Variants in DIAPH2 observed in about 807,000 individuals in gnomAD.
DIAPH2 encodes the protein diaphanous related formin 2.
A neutral mutation model predicts 92.7 loss-of-function variants in DIAPH2; 35 were observed. The observed-to-expected ratio is 0.38, with a 90% CI of 0.29 to 0.50. The LOEUF (loss-of-function observed/expected upper bound fraction) is 0.50. Among genes scored for constraint, DIAPH2 ranks in the 20% least tolerant of loss-of-function variants. The pLI, the probability that DIAPH2 is intolerant of heterozygous loss-of-function variation, is 0.94. For synonymous variants in DIAPH2, 301 were observed against 280.4 expected, an observed-to-expected ratio of 1.07 and a Z score of -0.73; for missense variants, 701 against 819.5, an observed-to-expected ratio of 0.86 and a Z score of 1.77.
intron 23 of DIAPH2, among the ~76,000 whole-genome samples, chrX:97,342,670 T>C (rs1230665073): frequency 1.8e-5 from 2 of 112,264 alleles, no homozygotes; most frequent in African/African-American, 6.5e-5. Context: ...AGGTCTACTT[T>C]CATGGACCAT....
intron 26 of DIAPH2, among the ~76,000 whole-genome samples, chrX:97,583,813 A>T (rs1485988612): frequency 2.7e-5 from 3 of 111,501 alleles, no homozygotes; most frequent in Non-Finnish European, 5.7e-5. Context: ...CTGCTGTGCT[A>T]GCAATCAGCG....
chrX:96,730,041 A>C (rs1324822998), intron 1 of DIAPH2, among the ~76,000 whole-genome samples: 1 of 111,889 alleles, frequency 8.9e-6, no homozygotes, highest in Non-Finnish European at 1.9e-5. Flanking sequence ...CCACCACTTG[A>C]TCTAGCATCT....
chrX:97,247,741 C>T lies in DIAPH2; in HGVS notation c.2746C>T (p.Leu916Phe), dbSNP rs1488230183. Residue 916 changes from leucine (L) to phenylalanine (F), a missense_variant, in exon 23 of 27, where the codon CTT (leucine) becomes TTT (phenylalanine). Transcript: ENST00000324765. ...TTCAGCTCAAATTCTCAAGAGCAAC[C>T]TTGCATCAATGGAACAACAAATTGT... is the stretch of plus-strand genomic sequence containing the variant. ...KVSAQILKSNLASMEQQIVHL... is the reference protein window; with the variant it reads ...KVSAQILKSNFASMEQQIVHL... 2.5e-6 allele frequency: 3 copies of T among 1,204,504 alleles called. No homozygotes were observed. The highest frequency in any genetic ancestry group is 3.4e-6 in the Non-Finnish European group (3 of 891,303).
intron 12 of DIAPH2, 75 bp downstream of exon 12, chrX:96,939,457 G>A: frequency 3.0e-6 from 1 of 336,348 alleles, no homozygotes; most frequent in Non-Finnish European, 5.3e-6. Context: ...ATGTAGTGGG[G>A]CCTAAGCAAT....
intron 17 of DIAPH2, among the ~76,000 whole-genome samples, chrX:97,036,764 C>T (rs953444496): frequency 1.5e-4 from 17 of 111,792 alleles, no homozygotes; most frequent in African/African-American, 5.5e-4. Flanking sequence ...AAAGATGGGT[C>T]GTAAATCAGA....
intron 23 of DIAPH2, among the ~76,000 whole-genome samples, chrX:97,291,762 G>A (rs2068592881): frequency 9.1e-6 from 1 of 110,187 alleles, no homozygotes; most frequent in Non-Finnish European, 1.9e-5. Context: ...GGTCTCGAAC[G>A]CATGACCTCA....
intron 23 of DIAPH2, among the ~76,000 whole-genome samples, chrX:97,331,490 A>G (rs971455580): frequency 6.3e-5 from 7 of 111,934 alleles, no homozygotes; most frequent in African/African-American, 2.3e-4. Context: ...TAAAAGAGAA[A>G]AGGAGTTGCT....
At chrX:97,092,294 G>A (rs2066831588) in intron 19 of DIAPH2, among the ~76,000 whole-genome samples, 1 of 112,813 alleles carries the variant, frequency 8.9e-6, no homozygotes, top group African/African-American at 3.2e-5. Flanking sequence ...TAAATTGACA[G>A]TTCCTCTGGG....
At chrX:97,270,898 T>C (rs767403886) in intron 23 of DIAPH2, among the ~76,000 whole-genome samples, 10 of 110,493 alleles carry the variant, frequency 9.1e-5, no homozygotes, top group Admixed American at 2.0e-4. Flanking sequence ...CATTATTCCA[T>C]TGAGCATTTA....
chrX:97,177,517 C>T (rs973121047), intron 22 of DIAPH2, among the ~76,000 whole-genome samples: 2 of 110,916 alleles, frequency 1.8e-5, no homozygotes, highest in Admixed American at 1.9e-4. Context: ...TGAAAGTCTT[C>T]AGTGGCACCC....
chrX:96,980,269 A>C (rs181218030), intron 17 of DIAPH2, among the ~76,000 whole-genome samples: 4,452 of 111,132 alleles, frequency 0.04, 106 homozygotes, highest in Middle Eastern at 0.083. Context: ...AGTGGCTCTT[A>C]GCCGGAAGGA....
chrX:96,847,905 G>A (rs770354257), intron 4 of DIAPH2, among the ~76,000 whole-genome samples: 9 of 111,322 alleles, frequency 8.1e-5, no homozygotes, highest in African/African-American at 1.6e-4. Context: ...GTATTATCCC[G>A]TTTATCTTGT....
intron 1 of DIAPH2, among the ~76,000 whole-genome samples, chrX:96,733,420 T>C (rs959721082): frequency 1.8e-5 from 2 of 110,947 alleles, no homozygotes; most frequent in Admixed American, 9.6e-5. Context: ...ATGTGGCTTA[T>C]TGCCTCATTG....
chrX:97,327,264 A>G (rs1410813064), intron 23 of DIAPH2, among the ~76,000 whole-genome samples: 1 of 108,349 alleles, frequency 9.2e-6, no homozygotes, highest in Non-Finnish European at 1.9e-5. Context: ...CCGCCCGGCT[A>G]ATTTTTGTAT....
At chrX:97,355,915 A>G (rs2069262200) in intron 24 of DIAPH2, among the ~76,000 whole-genome samples, 1 of 111,786 alleles carries the variant, frequency 8.9e-6, no homozygotes, top group African/African-American at 3.2e-5. Flanking sequence ...ATAGCAATGA[A>G]CAAAACAGAC....
intron 17 of DIAPH2, among the ~76,000 whole-genome samples, chrX:96,969,980 C>A (rs939598556): frequency 8.9e-6 from 1 of 111,748 alleles, no homozygotes; most frequent in Admixed American, 9.5e-5. Flanking sequence ...TGGAGATGAT[C>A]ATATGGTTTT....
chrX:96,738,308 T>C (rs2064099560), intron 2 of DIAPH2, among the ~76,000 whole-genome samples: 1 of 111,518 alleles, frequency 9.0e-6, no homozygotes, highest in South Asian at 3.8e-4. Context: ...TCCGAGACTT[T>C]TTTTTTCACT....
At chrX:97,461,872 A>G (rs1189006033) in intron 26 of DIAPH2, among the ~76,000 whole-genome samples, 1 of 111,781 alleles carries the variant, frequency 8.9e-6, no homozygotes, top group Non-Finnish European at 1.9e-5. Flanking sequence ...AAAAGAGAGT[A>G]TATAAGTATA....
At chrX:97,407,512 G>A (rs559681700) in intron 25 of DIAPH2, among the ~76,000 whole-genome samples, 2 of 112,246 alleles carry the variant, frequency 1.8e-5, no homozygotes, top group East Asian at 5.6e-4. Flanking sequence ...GTTTGAAAGA[G>A]TTAATTGGAA....
Sources: allele counts gnomAD v4.1 joint callset (sites outside exome capture counted in the v4.1 genomes callset), GRCh38; gene constraint gnomAD v4.1.1; transcripts MANE v1.5; gene names NCBI Gene and HGNC (gene_info 2026-07-23, HGNC 2026-07-21).